Variants in PPP2R1B observed in about 807,000 individuals in gnomAD.
The protein encoded by PPP2R1B is serine/threonine-protein phosphatase 2A 65 kDa regulatory subunit A beta isoform.
A neutral mutation model predicts 72.7 loss-of-function variants in PPP2R1B; 58 were observed. The ratio of observed to expected loss-of-function variants is 0.80; its 90% CI spans 0.65 to 0.99. The LOEUF is 0.99. Among genes scored for constraint, PPP2R1B ranks in the 50% least tolerant of loss-of-function variants. The probability of loss-of-function intolerance (pLI) is 0.00; values close to 1 mark genes in which losing one functional copy is unlikely to be tolerated. For synonymous variants in PPP2R1B, 256 were observed against 264.6 expected, an observed-to-expected ratio of 0.97 and a Z score of 0.32; for missense variants, 695 against 733.6, an observed-to-expected ratio of 0.95 and a Z score of 0.61.
At chr11:111,744,241 G>T (rs890360674) in intron 11 of PPP2R1B, among the ~76,000 whole-genome samples, 1 of 152,212 alleles carries the variant, frequency 6.6e-6, no homozygotes, top group African/African-American at 2.4e-5. Context: ...TGGAATTTTA[G>T]CAAGATTATT....
At position 111,740,426 on chromosome 11, in the gene PPP2R1B, G is replaced by C; in HGVS notation, c.*1170C>G. Reference sequence around the variant, plus strand: ...GTAGAGATGGGGTTTCACCATGTTGGTCAGGCTGATCTCGAATTCTTGACC... The same window carrying C: ...GTAGAGATGGGGTTTCACCATGTTGCTCAGGCTGATCTCGAATTCTTGACC... On this transcript the variant is annotated 3_prime_UTR_variant, in exon 15 of 15. Coordinates refer to ENST00000527614, the MANE Select transcript of PPP2R1B (RefSeq NM_002716.5). The C allele has an allele frequency of 1.0e-6, 1 of 963,452 alleles. No individual in the cohort carries two copies. Among genetic ancestry groups the C allele is most frequent in the Non-Finnish European group, 1.2e-6 (1 of 810,076 alleles). The allele number at this position is 963,452 out of a possible 1,614,324, so 59.7% of individuals were successfully genotyped here. A position where few individuals can be genotyped will look rare whatever the true frequency, so the allele number is the denominator to read the frequency against.
chr11:111,761,133 G>A (rs1271763288), intron 3 of PPP2R1B, 82 bp from the exon 4 acceptor site: 1 of 1,167,842 alleles, frequency 8.6e-7, no homozygotes, highest in Non-Finnish European at 1.2e-6. Context: ...TAAAGTGACT[G>A]AAGGGAGGTG....
At chr11:111,723,212 T>C (rs948230546), downstream of PPP2R1B, among the ~76,000 whole-genome samples, 2 of 152,154 alleles carry the variant, frequency 1.3e-5, no homozygotes, top group Admixed American at 6.5e-5. Flanking sequence ...TTCTAGCCTC[T>C]CCAGAAGGGA....
At chr11:111,761,211 T>C (rs781845172) in intron 3 of PPP2R1B, 160 bp from the exon 4 acceptor site, 214 of 748,560 alleles carry the variant, frequency 2.9e-4, no homozygotes, top group Non-Finnish European at 1.8e-4. Context: ...AGTGATAACA[T>C]ATGGTGCGGC....
At chr11:111,721,207 T>C in the PPP2R1B span, 8 of 1,010,890 alleles carry the variant, frequency 7.9e-6, no homozygotes, top group Non-Finnish European at 1.1e-5. Flanking sequence ...CTTTGCCTTG[T>C]TGCTGCCACC....
chr11:111,742,104 C>G lies in PPP2R1B; in HGVS notation c.1738G>C (p.Gly580Arg). ...GEVKPVLQKL[G>R]QDEDMDVKYF... The stretch of plus-strand genomic sequence containing the variant: ...TTGACATCCATGTCTTCATCTTGAC[C>G]TAACTTCTGTAGTACTGGCTTCACT... Residue 580 changes from glycine to arginine, a missense_variant, in exon 14 of 15, where the codon GGT (glycine) becomes CGT (arginine). Physicochemically the swap from Gly to Arg is moderately radical, Grantham distance 125. Transcript: ENST00000527614. 6.2e-7 allele frequency: 1 copy of G among 1,613,918 alleles called. No homozygotes were observed. The highest frequency in any genetic ancestry group is 8.5e-7 in the Non-Finnish European group (1 of 1,179,882).
chr11:111,724,246 G>C (rs968566103), downstream of PPP2R1B: 4 of 1,381,694 alleles, frequency 2.9e-6, no homozygotes, highest in Non-Finnish European at 3.8e-6. Flanking sequence ...GGGAGAAATC[G>C]AGCCACCCAA....
rs1214547525 is a variant in PPP2R1B, at chr11:111,741,216, G to C, written c.*380C>G. On this transcript the variant is annotated 3_prime_UTR_variant, in exon 15 of 15. Coordinates refer to ENST00000527614, the MANE Select transcript of PPP2R1B (RefSeq NM_002716.5). ...GAGAGACACAGAGATATATGTAAAC[G>C]TCAAGAGAATCACTCCACTCCACGT... 3 of 1,024,672 alleles carry C rather than the reference G, an allele frequency of 2.9e-6. No homozygotes were observed. Among genetic ancestry groups the C allele is most frequent in the Non-Finnish European group, 3.5e-6 (3 of 854,816 alleles). The allele number at this position is 1,024,672 out of a possible 1,614,324, so 63.5% of individuals were successfully genotyped here.
chr11:111,745,334 G>A (rs954160739), intron 11 of PPP2R1B, among the ~76,000 whole-genome samples: 4 of 152,296 alleles, frequency 2.6e-5, no homozygotes, highest in Non-Finnish European at 4.4e-5. Flanking sequence ...TTACAGGCAT[G>A]AGCCACCATG....
chr11:111,711,369 C>T, the PPP2R1B span, among the ~76,000 whole-genome samples: 4 of 152,178 alleles, frequency 2.6e-5, no homozygotes, highest in Non-Finnish European at 5.9e-5. Flanking sequence ...GATCCGCCTG[C>T]CTCGGCCTCC....
At position 111,766,247 on chromosome 11, in the gene PPP2R1B, C is replaced by A. The variant is rs1230012760; in HGVS notation, c.114+1G>T. Reference sequence around the variant, plus strand: ...TCGGGTCCCCGGCCTCAGTCCAGTACCTGCACGTCTTCATTGCGGAGCTCG... The same window carrying A: ...TCGGGTCCCCGGCCTCAGTCCAGTAACTGCACGTCTTCATTGCGGAGCTCG... On this transcript the variant is annotated splice_donor_variant, in intron 1 of 14. Transcript: ENST00000527614. LOFTEE classifies it high-confidence loss of function. The A allele has an allele frequency of 6.2e-7, 1 of 1,613,722 alleles. No homozygotes were observed. Among genetic ancestry groups the A allele is most frequent in the Admixed American group, 1.7e-5 (1 of 59,996 alleles).
chr11:111,752,073 A>C, intron 10 of PPP2R1B, 86 bp downstream of exon 10: 1 of 1,395,200 alleles, frequency 7.2e-7, no homozygotes, highest in Non-Finnish European at 9.7e-7. Context: ...AAACATAAGC[A>C]TACAGGCTAC....
At chr11:111,690,533 G>C in the PPP2R1B span, among the ~76,000 whole-genome samples, 1 of 152,022 alleles carries the variant, frequency 6.6e-6, no homozygotes, top group East Asian at 1.9e-4. Context: ...ATGGTGGTTT[G>C]TTGCACCTAT....
chr11:111,741,561 G>C lies in PPP2R1B; in HGVS notation c.*35C>G. 1.2e-6 allele frequency: 2 copies of C among 1,607,644 alleles called. No individual in the cohort carries two copies. The highest frequency in any genetic ancestry group is 2.2e-5 in the East Asian group (1 of 44,842). On this transcript the variant is annotated 3_prime_UTR_variant, in exon 15 of 15. Transcript: ENST00000527614. ...CACATTGACTAGAAATTTGTGACAA[G>C]AATCTAGTAAAGGCCTTTTCCCTCC...
chr11:111,704,900 T>G, the PPP2R1B span: 1 of 1,428,612 alleles, frequency 7.0e-7, no homozygotes, highest in Non-Finnish European at 9.3e-7. Flanking sequence ...GAGCACACAA[T>G]TTCTTTCCTC....
At chr11:111,743,978 G>C (rs755212871) in intron 11 of PPP2R1B, among the ~76,000 whole-genome samples, 6 of 152,138 alleles carry the variant, frequency 3.9e-5, no homozygotes, top group Non-Finnish European at 5.9e-5. Context: ...GGAAGGCTTC[G>C]GCACAGAAAG....
the PPP2R1B span, among the ~76,000 whole-genome samples, chr11:111,698,030 C>T: frequency 4.0e-5 from 6 of 151,854 alleles, no homozygotes; most frequent in Admixed American, 1.3e-4. Flanking sequence ...ATAAATATAA[C>T]ATTTGAAGTG....
At chr11:111,737,610 G>T (rs749070836), downstream of PPP2R1B, 1 of 1,612,784 alleles carries the variant, frequency 6.2e-7, no homozygotes, top group East Asian at 2.2e-5. Flanking sequence ...TCCCTGACCA[G>T]GGCACATCCC....
In PPP2R1B at chr11:111,756,234, AAAG is replaced by A. The variant is rs1236478484; in HGVS notation, c.688-787_688-785del. Among the ~76,000 whole-genome samples the A allele has an allele frequency of 8.7e-5, 13 of 150,012 alleles. No homozygotes were observed. In the East Asian group the frequency reaches 1.8e-3, roughly 21 times the overall value. Reference sequence around the variant, plus strand: ...CAAAAAACAAAAAGGAAAAAAAAAAAAAGAAAGAGCTGCTCCCTTTGCCTGGAA... The same window carrying A: ...CAAAAAACAAAAAGGAAAAAAAAAAAAAAGAGCTGCTCCCTTTGCCTGGAA... On this transcript the variant is annotated intron_variant, in intron 5 of 14. Coordinates refer to ENST00000527614, the MANE Select transcript of PPP2R1B (RefSeq NM_002716.5).
Sources: allele counts gnomAD v4.1 joint callset (sites outside exome capture counted in the v4.1 genomes callset), GRCh38; gene constraint gnomAD v4.1.1; transcripts MANE v1.5; gene names NCBI Gene and HGNC (gene_info 2026-07-23, HGNC 2026-07-21).